The following KPNA6 variants were observed in gnomAD, a reference collection of about 807,000 sequenced individuals.
KPNA6 encodes karyopherin subunit alpha 6, also known as importin subunit alpha-7.
In KPNA6, 9 loss-of-function variants were observed where a neutral mutation model predicts 72.0. The ratio of observed to expected loss-of-function variants is 0.13; its 90% CI spans 0.08 to 0.22. The LOEUF is 0.22. Ranked by LOEUF, KPNA6 falls within the 10% of genes least tolerant of loss-of-function variation. The pLI is 1.00. For synonymous variants in KPNA6, 219 were observed against 242.1 expected (o/e 0.90, Z 0.89); for missense variants, 374 against 655.7 (o/e 0.57, Z 4.69).
chr1:32,158,552 C>T (rs1240610400), intron 5 of KPNA6, among the ~76,000 whole-genome samples, 191 bp downstream of exon 5: 2 of 152,186 alleles, frequency 1.3e-5, no homozygotes, highest in Non-Finnish European at 2.9e-5. Flanking sequence ...CAATTATACA[C>T]TTTAAGTTAT....
intron 1 of KPNA6, among the ~76,000 whole-genome samples, chr1:32,147,328 G>A (rs1157616410): frequency 1.3e-5 from 2 of 152,050 alleles, no homozygotes; most frequent in African/African-American, 4.8e-5. Flanking sequence ...GGGTTTCACT[G>A]TGTCACACAG....
intron 1 of KPNA6, among the ~76,000 whole-genome samples, chr1:32,125,629 A>G (rs1222432899): frequency 1.3e-5 from 2 of 151,118 alleles, no homozygotes; most frequent in Non-Finnish European, 2.9e-5. Flanking sequence ...TTGGAGGGCT[A>G]CGCACCATTC....
chr1:32,169,968 G>C lies in KPNA6; in HGVS notation c.1331G>C (p.Gly444Ala). 6.2e-7 allele frequency: 1 copy of C among 1,614,082 alleles called. No individual in the cohort carries two copies. Among genetic ancestry groups the C allele is most frequent in the Non-Finnish European group, 8.5e-7 (1 of 1,180,020 alleles). Reference sequence around the variant, plus strand: ...AAGATTGTGCAAGTGGCCCTCAATGGACTGGAGAACATCCTGCGGCTTGGA... The same window carrying C: ...AAGATTGTGCAAGTGGCCCTCAATGCACTGGAGAACATCCTGCGGCTTGGA... ...DSKIVQVALN[G>A]LENILRLGEQ... Residue 444 changes from glycine (G) to alanine (A), a missense_variant, in exon 13 of 14, where the codon GGA (glycine) becomes GCA (alanine). Gly to Ala is a moderately conservative substitution (Grantham distance 60). Coordinates refer to ENST00000373625, the MANE Select transcript of KPNA6 (RefSeq NM_012316.5).
chr1:32,125,378 G>T (rs1366701406), intron 1 of KPNA6, among the ~76,000 whole-genome samples: 1 of 152,164 alleles, frequency 6.6e-6, no homozygotes, highest in Non-Finnish European at 1.5e-5. Flanking sequence ...CAAAGCCCAA[G>T]TCACACAATC....
At chr1:32,132,325 A>G (rs544209844) in intron 1 of KPNA6, among the ~76,000 whole-genome samples, 1 of 149,806 alleles carries the variant, frequency 6.7e-6, no homozygotes, top group African/African-American at 2.5e-5. Flanking sequence ...TTGAGACAGT[A>G]TCTCACTCTG....
intron 1 of KPNA6, among the ~76,000 whole-genome samples, chr1:32,154,218 C>T (rs1257488883): frequency 6.6e-6 from 1 of 151,834 alleles, no homozygotes; most frequent in African/African-American, 2.4e-5. Context: ...GCCACTGTGC[C>T]TGATGTGTTC....
Position 32,124,446 on chromosome 1 carries a change from C to T in KPNA6, c.4+16312C>T, listed in dbSNP as rs148433729. Among the ~76,000 whole-genome samples, 863 of 149,260 alleles carry T rather than the reference C, an allele frequency of 5.8e-3. 9 individuals carry two copies. The highest frequency in any genetic ancestry group is 0.02 in the African/African-American group (794 of 40,692). On this transcript the variant is annotated intron_variant, in intron 1 of 13. Coordinates refer to ENST00000373625, the MANE Select transcript of KPNA6 (RefSeq NM_012316.5). ...ATCCCAGCACTTTGGGAGGCCAAGG[C>T]GGGAGGATTGCTTGAGGCCAGGAGT... is the stretch of plus-strand genomic sequence containing the variant.
intron 12 of KPNA6, among the ~76,000 whole-genome samples, chr1:32,167,633 A>AG (rs1215297378): frequency 6.6e-6 from 1 of 152,098 alleles, no homozygotes; most frequent in East Asian, 1.9e-4. Context: ...ATTCAAATGA[A>AG]GGGGAACCGT....
intron 12 of KPNA6, among the ~76,000 whole-genome samples, chr1:32,168,879 TAGGG>T (rs1460010523): frequency 6.6e-6 from 1 of 152,080 alleles, no homozygotes. Flanking sequence ...TTCAGCGAAT[TAGGG>T]AGCCTGTGAA....
intron 1 of KPNA6, among the ~76,000 whole-genome samples, chr1:32,128,370 T>TTATATTATATATGTATTTATATATATATA (rs1641569785): frequency 7.4e-6 from 1 of 134,646 alleles, no homozygotes; most frequent in Non-Finnish European, 1.6e-5. Context: ...TATATATTTT[T>TTATATTATATATGTATTTATATATATATA]TATATTATAT....
At chr1:32,115,740 T>C (rs533764773) in intron 1 of KPNA6, among the ~76,000 whole-genome samples, 1 of 151,876 alleles carries the variant, frequency 6.6e-6, no homozygotes, top group South Asian at 2.1e-4. Flanking sequence ...ATTGATGGCT[T>C]CTTTCCTTAA....
At chr1:32,116,598 C>T (rs972698039) in intron 1 of KPNA6, among the ~76,000 whole-genome samples, 1 of 152,042 alleles carries the variant, frequency 6.6e-6, no homozygotes, top group Non-Finnish European at 1.5e-5. Flanking sequence ...GTGGAGGTTT[C>T]GGTGAGCTGA....
At chr1:32,122,758 C>G (rs1332053374) in intron 1 of KPNA6, among the ~76,000 whole-genome samples, 1 of 151,854 alleles carries the variant, frequency 6.6e-6, no homozygotes, top group Non-Finnish European at 1.5e-5. Context: ...GAGTTGGAGA[C>G]CAGCCTAACC....
intron 1 of KPNA6, among the ~76,000 whole-genome samples, chr1:32,116,129 C>T (rs1308893587): frequency 6.6e-6 from 1 of 151,788 alleles, no homozygotes; most frequent in African/African-American, 2.4e-5. Flanking sequence ...ATTTGATCTT[C>T]TGTCAAAACC....
chr1:32,122,238 C>T (rs1353198815), intron 1 of KPNA6, among the ~76,000 whole-genome samples: 2 of 152,102 alleles, frequency 1.3e-5, no homozygotes, highest in Non-Finnish European at 2.9e-5. Flanking sequence ...CATATCATTG[C>T]ACTCCAGCCT....
chr1:32,117,603 A>G (rs1007860305), intron 1 of KPNA6, among the ~76,000 whole-genome samples: 1 of 152,174 alleles, frequency 6.6e-6, no homozygotes, highest in African/African-American at 2.4e-5. Flanking sequence ...CAGCCTGGGC[A>G]ACATAGTGAG....
intron 1 of KPNA6, among the ~76,000 whole-genome samples, chr1:32,145,399 A>C (rs1263294097): frequency 2.0e-5 from 3 of 150,384 alleles, no homozygotes; most frequent in East Asian, 3.9e-4. Flanking sequence ...ATCTCAGCTC[A>C]CTGCAACCTC....
rs768841508 is a variant in KPNA6 at position 32,135,159 on chromosome 1, G to A, written c.5-19429G>A. 2.6e-5 allele frequency among the ~76,000 whole-genome samples: 4 copies of A among 152,138 alleles called. No individual in the cohort carries two copies. In the East Asian group the frequency reaches 7.7e-4, roughly 29 times the overall value. ...CTCAGCTCACCGCAACCTCCACCTC[G>A]CGGGTTCAAGTGATTCTCCTGCTTC... On this transcript the variant is annotated intron_variant, in intron 1 of 13. Coordinates refer to ENST00000373625, the MANE Select transcript of KPNA6 (RefSeq NM_012316.5).
chr1:32,144,683 C>T (rs1006066526), intron 1 of KPNA6, among the ~76,000 whole-genome samples: 3 of 151,918 alleles, frequency 2.0e-5, no homozygotes, highest in African/African-American at 7.3e-5. Flanking sequence ...TGGAGTCTCG[C>T]TCTGTCGCCC....
Sources: gnomAD v4.1 joint callset for allele counts (sites outside exome capture counted in the v4.1 genomes callset) on GRCh38, gnomAD v4.1.1 for gene constraint, MANE v1.5 for transcripts, NCBI Gene and HGNC (gene_info 2026-07-23, HGNC 2026-07-21) for gene names.